LRRC49: variants seen among roughly 807,000 people sequenced by gnomAD.
The protein encoded by LRRC49 is leucine rich repeat containing 49.
A neutral mutation model predicts 83.3 loss-of-function variants in LRRC49; 50 were observed. The ratio of observed to expected loss-of-function variants is 0.60; its 90% CI spans 0.48 to 0.76. The LOEUF is 0.76. LRRC49 is among the 30% of genes least tolerant of loss of function. LRRC49 has a pLI of 0.00. For synonymous variants in LRRC49, 286 were observed against 283.3 expected (o/e 1.01, Z -0.10); for missense variants, 704 against 809.1 (o/e 0.87, Z 1.58).
chr15:71,025,799 A>C (rs2039150574), intron 14 of LRRC49, among the ~76,000 whole-genome samples: 1 of 152,156 alleles, frequency 6.6e-6, no homozygotes, highest in Admixed American at 6.5e-5. Context: ...GCATTACATA[A>C]TAGTAAATGG....
intron 14 of LRRC49, among the ~76,000 whole-genome samples, chr15:71,018,927 A>G (rs539864821): frequency 6.6e-6 from 1 of 152,278 alleles, no homozygotes; most frequent in East Asian, 1.9e-4. Context: ...AAACACTTTA[A>G]TTACATTTAC....
intron 8 of LRRC49, among the ~76,000 whole-genome samples, chr15:70,945,708 A>G (rs867701725): frequency 7.9e-5 from 12 of 151,018 alleles, no homozygotes; most frequent in African/African-American, 2.2e-4. Context: ...CATTAAGGGC[A>G]TTGGGCTTGG....
At chr15:70,932,096 G>A (rs889071952) in intron 7 of LRRC49, among the ~76,000 whole-genome samples, 2 of 152,076 alleles carry the variant, frequency 1.3e-5, no homozygotes, top group Non-Finnish European at 2.9e-5. Flanking sequence ...TTTGCTCTGG[G>A]GTATTAAAAC....
chr15:70,959,191 C>T (rs1037593789), intron 8 of LRRC49, among the ~76,000 whole-genome samples: 28 of 152,156 alleles, frequency 1.8e-4, no homozygotes, highest in Non-Finnish European at 4.1e-4. Context: ...GTGATTATTT[C>T]TTTAAAAAAT....
chr15:70,859,781 G>A, intron 1 of LRRC49: 1 of 742,556 alleles, frequency 1.3e-6, no homozygotes, highest in Non-Finnish European at 2.5e-6. Context: ...GTCCGAGCTG[G>A]AGGCCTCTCT....
chr15:70,883,647 G>T (rs1380929386), intron 2 of LRRC49, among the ~76,000 whole-genome samples: 6 of 132,928 alleles, frequency 4.5e-5, no homozygotes, highest in Admixed American at 4.3e-4. Context: ...TTGTGAAATG[G>T]AATTTTTTTT....
chr15:71,018,646 C>G lies in LRRC49; in HGVS notation c.1703+5733C>G, dbSNP rs146820687. Among the ~76,000 whole-genome samples, 21 of 152,262 alleles carry G rather than the reference C, an allele frequency of 1.4e-4. No individual in the cohort carries two copies. The East Asian group carries it at 3.7e-3, about 27-fold the overall frequency. On this transcript the variant is annotated intron_variant, in intron 14 of 15. Coordinates refer to ENST00000260382, the MANE Select transcript of LRRC49 (RefSeq NM_017691.5). ...GGGTTTTCCCTACACACTAGCCAGG[C>G]AATTCAGCAGCAGACACCAGCTGGG... is the stretch of plus-strand genomic sequence containing the variant.
At chr15:71,021,868 C>G (rs542800070) in intron 14 of LRRC49, among the ~76,000 whole-genome samples, 1 of 152,254 alleles carries the variant, frequency 6.6e-6, no homozygotes, top group South Asian at 2.1e-4. Context: ...CTCTTGAGTC[C>G]TATGCTAAGA....
rs970264446 is a variant in LRRC49, at chr15:71,037,092, T to G, written c.1704-87T>G. 5.7e-6 allele frequency: 5 copies of G among 883,024 alleles called. No homozygotes were observed. In the East Asian group the frequency reaches 1.3e-4, roughly 22 times the overall value. The allele number at this position is 883,024 out of a possible 1,614,324, so 54.7% of individuals were successfully genotyped here. A position where few individuals can be genotyped will look rare whatever the true frequency, so the allele number is the denominator to read the frequency against. ...TAAAATATATATTCAAAAAAGTATA[T>G]GTTCTCCTCTAAAGTCAACAAAAAA... On this transcript the variant is annotated intron_variant, in intron 14 of 15. Coordinates refer to ENST00000260382, the MANE Select transcript of LRRC49 (RefSeq NM_017691.5).
At chr15:70,989,395 A>G (rs899628781) in intron 11 of LRRC49, among the ~76,000 whole-genome samples, 5 of 151,600 alleles carry the variant, frequency 3.3e-5, no homozygotes, top group East Asian at 3.9e-4. Context: ...ATCTTCCATC[A>G]CTGATATCCT....
chr15:70,952,773 C>A (rs1451826227), intron 8 of LRRC49, among the ~76,000 whole-genome samples: 4 of 151,818 alleles, frequency 2.6e-5, no homozygotes, highest in Non-Finnish European at 4.4e-5. Flanking sequence ...AATCTCTTCA[C>A]AGATCGCTAA....
chr15:70,920,133 C>T (rs1337117178), intron 7 of LRRC49, among the ~76,000 whole-genome samples: 1 of 152,160 alleles, frequency 6.6e-6, no homozygotes, highest in African/African-American at 2.4e-5. Flanking sequence ...ATCATTTATG[C>T]ACTTTGAAAG....
chr15:70,988,922 C>G (rs894496671), intron 11 of LRRC49, among the ~76,000 whole-genome samples: 3 of 152,172 alleles, frequency 2.0e-5, no homozygotes, highest in African/African-American at 7.2e-5. Flanking sequence ...ATATGAAATT[C>G]TGGGTTGAAA....
At chr15:71,044,652 G>A (rs2039796590) in intron 15 of LRRC49, among the ~76,000 whole-genome samples, 1 of 151,754 alleles carries the variant, frequency 6.6e-6, no homozygotes, top group African/African-American at 2.4e-5. Flanking sequence ...TGGGTGTGGT[G>A]GTGCACGCCT....
rs532255882 is a variant in LRRC49, at chr15:70,975,802, A to T, written c.922-4299A>T. 7.2e-5 allele frequency among the ~76,000 whole-genome samples: 11 copies of T among 152,302 alleles called. No homozygotes were observed. The South Asian group carries it at 2.1e-3, about 29-fold the overall frequency. ...TTGTTTACAATTTGCTCTCCAAAAA[A>T]AAAAAGGAGCTCATCTCATGTGTAC... is the stretch of plus-strand genomic sequence containing the variant. On this transcript the variant is annotated intron_variant, in intron 9 of 15. Transcript: ENST00000260382.
chr15:70,891,073 C>G (rs2033546011), upstream of LRRC49, among the ~76,000 whole-genome samples: 5 of 151,918 alleles, frequency 3.3e-5, no homozygotes, highest in South Asian at 1.0e-3. Flanking sequence ...ATTACAGACC[C>G]CTGAGGAAAT....
At chr15:70,945,772 G>A (rs866218081) in intron 8 of LRRC49, among the ~76,000 whole-genome samples, 42 of 152,038 alleles carry the variant, frequency 2.8e-4, no homozygotes, top group African/African-American at 9.4e-4. Flanking sequence ...ATGCAAGTAA[G>A]GAAGTTGGGA....
chr15:70,936,524 CCTGTCTCCT>C (rs1341364961), intron 7 of LRRC49: 2 of 412,560 alleles, frequency 4.8e-6, no homozygotes, highest in Admixed American at 7.8e-5. Flanking sequence ...AGCGTCTCTC[CCTGTCTCCT>C]CAGTGCTTTT....
intron 9 of LRRC49, among the ~76,000 whole-genome samples, chr15:70,970,343 G>A (rs541006309): frequency 1.9e-4 from 29 of 152,288 alleles, no homozygotes; most frequent in African/African-American, 6.5e-4. Context: ...TGATCGTGGT[G>A]GATAAGCTTT....
Sources: gnomAD v4.1 joint callset for allele counts (sites outside exome capture counted in the v4.1 genomes callset) on GRCh38, gnomAD v4.1.1 for gene constraint, MANE v1.5 for transcripts, NCBI Gene and HGNC (gene_info 2026-07-23, HGNC 2026-07-21) for gene names.